PITPNC1: variants seen among roughly 807,000 people sequenced by gnomAD.
PITPNC1 encodes cytoplasmic phosphatidylinositol transfer protein 1.
In PITPNC1, 18 loss-of-function variants were observed where a neutral mutation model predicts 44.7. The ratio of observed to expected loss-of-function variants is 0.40; its 90% confidence interval spans 0.28 to 0.60. The LOEUF (loss-of-function observed/expected upper bound fraction) is 0.60. Ranked by LOEUF, PITPNC1 falls within the 20% of genes least tolerant of loss-of-function variation. The pLI is 0.39. For missense variants in PITPNC1, 290 were observed against 418.4 expected (o/e 0.69, Z 2.68); for synonymous variants, 141 against 149.6 (o/e 0.94, Z 0.42).
rs552136990 is a variant in PITPNC1, at chr17:67,693,157, A to G, written c.*269A>G. The G allele has an allele frequency of 7.5e-5, 27 of 362,168 alleles. No individual in the cohort carries two copies. The East Asian group carries it at 1.2e-3, about 16-fold the overall frequency. The allele number at this position is 362,168 out of a possible 1,614,324, so 22.4% of individuals were successfully genotyped here. A position where few individuals can be genotyped will look rare whatever the true frequency, so the allele number is the denominator to read the frequency against. On this transcript the variant is annotated 3_prime_UTR_variant, in exon 9 of 9. Coordinates refer to ENST00000581322, the MANE Select transcript of PITPNC1 (RefSeq NM_012417.4). ...TGTATGCCAGAGAGGAAGCCTTGTTATTGGGCATTTGATGAGGTTTGGCAT... is the reference window on the plus strand; with the variant it reads ...TGTATGCCAGAGAGGAAGCCTTGTTGTTGGGCATTTGATGAGGTTTGGCAT...
intron 1 of PITPNC1, among the ~76,000 whole-genome samples, chr17:67,401,825 A>G (rs780870021): frequency 6.6e-6 from 1 of 152,092 alleles, no homozygotes; most frequent in South Asian, 2.1e-4. Flanking sequence ...CCTAGAAGAC[A>G]GAGTGAGACT....
chr17:67,472,651 G>GAAAA (rs780986823), intron 1 of PITPNC1, among the ~76,000 whole-genome samples: 5 of 99,290 alleles, frequency 5.0e-5, no homozygotes, highest in Non-Finnish European at 1.1e-4. Flanking sequence ...TGTCTCAAAA[G>GAAAA]AAAAAAAAAA....
intron 5 of PITPNC1, among the ~76,000 whole-genome samples, chr17:67,626,475 T>C (rs2642055): frequency 0.091 from 13,855 of 152,168 alleles, 677 homozygotes; most frequent in Middle Eastern, 0.14. Flanking sequence ...GTTCAAGCAA[T>C]TCTCCTGCCT....
At chr17:67,428,539 A>G (rs1341506820) in intron 1 of PITPNC1, among the ~76,000 whole-genome samples, 1 of 139,638 alleles carries the variant, frequency 7.2e-6, no homozygotes, top group East Asian at 2.0e-4. Flanking sequence ...TCTCAAAAAG[A>G]AAAAAAAAAA....
chr17:67,559,033 C>G (rs1438705850), intron 4 of PITPNC1, among the ~76,000 whole-genome samples: 1 of 152,180 alleles, frequency 6.6e-6, no homozygotes, highest in Non-Finnish European at 1.5e-5. Context: ...AGCCACTAAA[C>G]TATCTGGGAT....
In PITPNC1 at chr17:67,696,311, G is replaced by A. The variant is rs2043010461; in HGVS notation, c.*3423G>A. 1 of 152,080 alleles carries A rather than the reference G, an allele frequency of 6.6e-6. No individual in the cohort carries two copies. The highest frequency in any genetic ancestry group is 6.6e-5 in the Admixed American group (1 of 15,262). The allele number at this position is 152,080 out of a possible 1,614,324, so 9.4% of individuals were successfully genotyped here. A position where few individuals can be genotyped will look rare whatever the true frequency, so the allele number is the denominator to read the frequency against. On this transcript the variant is annotated 3_prime_UTR_variant, in exon 9 of 9. Coordinates refer to ENST00000581322, the MANE Select transcript of PITPNC1 (RefSeq NM_012417.4). ...AAATCATTCTCTGCAAAAGTTTCAG[G>A]GCTAATGTATTTATGTGTATTTTTA... is the stretch of plus-strand genomic sequence containing the variant.
intron 1 of PITPNC1, among the ~76,000 whole-genome samples, chr17:67,529,335 G>C (rs1047778330): frequency 1.3e-5 from 2 of 152,198 alleles, no homozygotes; most frequent in Non-Finnish European, 2.9e-5. Context: ...GTGGGTTGGA[G>C]TGCCTGAAGA....
chr17:67,582,038 AAAAAG>A lies in PITPNC1; in HGVS notation c.366+3797_366+3801del, dbSNP rs371119919. Among the ~76,000 whole-genome samples, 763 of 152,314 alleles carry A rather than the reference AAAAAG, an allele frequency of 5.0e-3. 4 individuals are homozygous for A. The highest frequency in any genetic ancestry group is 0.017 in the African/African-American group (704 of 41,568). ...ACAAGAGTGAAACTCTGTCTCAAAA[AAAAAG>A]AAAAGAAAAGAAAAGGAGGGCTGCA... is the stretch of plus-strand genomic sequence containing the variant. On this transcript the variant is annotated intron_variant, in intron 5 of 8. Transcript: ENST00000581322.
intron 1 of PITPNC1, among the ~76,000 whole-genome samples, chr17:67,501,059 C>G (rs1186031410): frequency 6.6e-6 from 1 of 152,112 alleles, no homozygotes; most frequent in Non-Finnish European, 1.5e-5. Context: ...TAGCTTATTT[C>G]TGAATGTTGG....
chr17:67,385,689 A>G (rs1054707149), intron 1 of PITPNC1, among the ~76,000 whole-genome samples: 2 of 152,048 alleles, frequency 1.3e-5, no homozygotes, highest in Admixed American at 1.3e-4. Context: ...CCATCTCCGG[A>G]CACAGTTCCA....
intron 1 of PITPNC1, among the ~76,000 whole-genome samples, chr17:67,382,188 T>TTGC (rs1175706344): frequency 1.3e-5 from 2 of 152,324 alleles, no homozygotes; most frequent in Non-Finnish European, 2.9e-5. Context: ...GCCTTTTGAC[T>TTGC]TGCTATAGAC....
At chr17:67,547,861 C>T (rs1280408717) in intron 2 of PITPNC1, among the ~76,000 whole-genome samples, 5 of 152,166 alleles carry the variant, frequency 3.3e-5, no homozygotes, top group African/African-American at 9.7e-5. Context: ...GTTGTGATTT[C>T]GGGAACCTTG....
In PITPNC1 at chr17:67,380,193, G is replaced by A. The variant is rs185665285; in HGVS notation, c.48+1991G>A. ...GGATTCAAGCAATTCTCCTGCCTCA[G>A]CCTCCTGAGTAGCTGAGATTACAGG... On this transcript the variant is annotated intron_variant, in intron 1 of 8. Transcript: ENST00000581322. Among the ~76,000 whole-genome samples, 14 of 152,004 alleles carry A rather than the reference G, an allele frequency of 9.2e-5. No homozygotes were observed. The East Asian group carries it at 2.7e-3, about 29-fold the overall frequency.
chr17:67,440,597 T>C (rs1381590682), intron 1 of PITPNC1, among the ~76,000 whole-genome samples: 2 of 151,834 alleles, frequency 1.3e-5, no homozygotes, highest in South Asian at 2.1e-4. Flanking sequence ...AGTGGTGCCA[T>C]CATGGCTCAC....
chr17:67,540,569 T>C (rs576282395), intron 2 of PITPNC1, among the ~76,000 whole-genome samples: 1 of 152,368 alleles, frequency 6.6e-6, no homozygotes, highest in South Asian at 2.1e-4. Context: ...GGCAGATACA[T>C]GCATGTCTGT....
chr17:67,622,256 C>CAAAAAAAAAA, intron 5 of PITPNC1, among the ~76,000 whole-genome samples: 1 of 91,766 alleles, frequency 1.1e-5, no homozygotes, highest in Non-Finnish European at 2.4e-5. Context: ...GACTGCATCT[C>CAAAAAAAAAA]AAAAAAAAAA....
At chr17:67,650,598 G>T (rs540272221) in intron 6 of PITPNC1, among the ~76,000 whole-genome samples, 6 of 151,930 alleles carry the variant, frequency 3.9e-5, no homozygotes, top group Non-Finnish European at 8.8e-5. Flanking sequence ...ACAGGCATGC[G>T]CCACCATGCC....
chr17:67,508,703 T>A lies in PITPNC1; in HGVS notation c.49-24099T>A, dbSNP rs2040138910. Reference sequence around the variant, plus strand: ...TCTGACAAAAAGACAAATACTTAGCTGAGGTACCTTCAAGAGGCAAATTCA... The same window carrying A: ...TCTGACAAAAAGACAAATACTTAGCAGAGGTACCTTCAAGAGGCAAATTCA... On this transcript the variant is annotated intron_variant, in intron 1 of 8. Coordinates refer to ENST00000581322, the MANE Select transcript of PITPNC1 (RefSeq NM_012417.4). This position sits in a 1 kb window ranked among gnomAD's most constrained non-coding sequence, Gnocchi z 4.2. Among the ~76,000 whole-genome samples the A allele has an allele frequency of 6.6e-6, 1 of 152,066 alleles. No homozygotes were observed. The highest frequency in any genetic ancestry group is 2.4e-5 in the African/African-American group (1 of 41,392).
chr17:67,451,487 C>T (rs1683200419), intron 1 of PITPNC1, among the ~76,000 whole-genome samples: 1 of 152,192 alleles, frequency 6.6e-6, no homozygotes, highest in South Asian at 2.1e-4. Flanking sequence ...CCCCCCTAAA[C>T]ATCCTCCTTG....
Sources: allele counts gnomAD v4.1 joint callset (sites outside exome capture counted in the v4.1 genomes callset), GRCh38; gene constraint gnomAD v4.1.1; non-coding constraint Gnocchi (gnomAD v3.1); transcripts MANE v1.5; gene names NCBI Gene and HGNC (gene_info 2026-07-23, HGNC 2026-07-21).